Variants in DCAF4 observed in about 807,000 individuals in gnomAD.
The protein encoded by DCAF4 is DDB1 and CUL4 associated factor 4, also known as DDB1- and CUL4-associated factor 4.
In DCAF4, 37 loss-of-function variants were observed where a neutral mutation model predicts 60.9. The observed-to-expected ratio is 0.61, with a 90% confidence interval of 0.47 to 0.80. The LOEUF (loss-of-function observed/expected upper bound fraction) is 0.80. Ranked by LOEUF, DCAF4 falls within the 30% of genes least tolerant of loss-of-function variation. DCAF4 has a pLI of 0.00. For synonymous variants in DCAF4, 243 were observed against 254.8 expected, an observed-to-expected ratio of 0.95 and a Z score of 0.44; for missense variants, 577 against 650.0, an observed-to-expected ratio of 0.89 and a Z score of 1.22.
intron 1 of DCAF4, among the ~76,000 whole-genome samples, chr14:72,936,456 C>T (rs910088887): frequency 1.5e-4 from 23 of 151,116 alleles, no homozygotes; most frequent in African/African-American, 4.9e-4. Context: ...CCCAGCTACT[C>T]GGGAGGCTGA....
intron 4 of DCAF4, 101 bp downstream of exon 4, chr14:72,940,478 A>T: frequency 7.9e-7 from 1 of 1,261,796 alleles, no homozygotes; most frequent in Non-Finnish European, 1.1e-6. Context: ...TGCGACACTT[A>T]GCAGAGGCAC....
At chr14:72,946,184 C>G (rs1253224536) in intron 7 of DCAF4, among the ~76,000 whole-genome samples, 157 bp downstream of exon 7, 1 of 150,634 alleles carries the variant, frequency 6.6e-6, no homozygotes, top group Non-Finnish European at 1.5e-5. Context: ...GAGTTTCAGA[C>G]CAACCTGGGC....
intron 4 of DCAF4, 124 bp from the exon 5 acceptor site, chr14:72,941,621 A>C: frequency 5.8e-6 from 5 of 860,980 alleles, no homozygotes; most frequent in Non-Finnish European, 9.3e-6. Flanking sequence ...ATTTTTATGC[A>C]TATAATTTCT....
intron 13 of DCAF4, chr14:72,957,313 T>G (rs1254185406): frequency 6.6e-6 from 1 of 152,284 alleles, no homozygotes; most frequent in East Asian, 1.9e-4. Context: ...CTAAGCCCCC[T>G]GGAAGGGAGT....
chr14:72,941,644 C>A, intron 4 of DCAF4, 101 bp from the exon 5 acceptor site: 1 of 1,097,752 alleles, frequency 9.1e-7, no homozygotes, highest in Non-Finnish European at 1.3e-6. Flanking sequence ...CAATTTAGTG[C>A]CTGTTTCCTT....
chr14:72,930,208 T>A (rs1370667214), intron 1 of DCAF4, among the ~76,000 whole-genome samples: 1 of 152,178 alleles, frequency 6.6e-6, no homozygotes, highest in Non-Finnish European at 1.5e-5. Flanking sequence ...ATGTTGGGTA[T>A]CTTTTCATGT....
rs1253223301 is a variant in DCAF4, at chr14:72,953,729, AAAAATATATATATATAT to A, written c.809-433_809-417del. ...TGTCTTAAAAAAAAAAAAAAAAAAAAAAAATATATATATATATATATATATATATATATAGTTTATTT... is the reference window on the plus strand; with the variant it reads ...TGTCTTAAAAAAAAAAAAAAAAAAAAATATATATATATATATAGTTTATTT... On this transcript the variant is annotated intron_variant, in intron 9 of 13. Coordinates refer to ENST00000358377, the MANE Select transcript of DCAF4 (RefSeq NM_015604.4). 6.6e-4 allele frequency among the ~76,000 whole-genome samples: 27 copies of A among 40,782 alleles called. 6 individuals carry two copies. Among genetic ancestry groups the A allele is most frequent in the African/African-American group, 3.2e-3 (26 of 8,168 alleles). 26.8% of individuals were successfully genotyped at this position (40,782 alleles called of 152,430 possible). A position where few individuals can be genotyped will look rare whatever the true frequency, so the allele number is the denominator to read the frequency against.
chr14:72,958,570 C>G (rs1414063577), intron 13 of DCAF4, 42 bp from the exon 14 acceptor site: 1 of 1,611,070 alleles, frequency 6.2e-7, no homozygotes, highest in Non-Finnish European at 8.5e-7. Flanking sequence ...TTTTCCTTTG[C>G]ATTCTCTCAC....
rs1346666390 is a variant in DCAF4 at position 72,942,076 on chromosome 14, G to A, written c.431+252G>A. ...AGAGGATGGGGACGTAGGCAGAGAT[G>A]TCTATTCTCTGTTACTCGTAAGTCA... On this transcript the variant is annotated intron_variant, in intron 5 of 13. Transcript: ENST00000358377. 1.3e-5 allele frequency: 6 copies of A among 450,170 alleles called. No individual in the cohort carries two copies. In the East Asian group the frequency reaches 2.1e-4, roughly 16 times the overall value. 27.9% of individuals were successfully genotyped at this position (450,170 alleles called of 1,614,324 possible).
At chr14:72,934,079 C>A (rs893928545) in intron 1 of DCAF4, among the ~76,000 whole-genome samples, 5 of 152,014 alleles carry the variant, frequency 3.3e-5, no homozygotes, top group African/African-American at 9.7e-5. Context: ...TCATCCCCCC[C>A]ATTTCTTGAA....
intron 2 of DCAF4, among the ~76,000 whole-genome samples, chr14:72,938,360 G>C (rs1889579180): frequency 1.3e-5 from 2 of 152,186 alleles, no homozygotes; most frequent in Non-Finnish European, 1.5e-5. Flanking sequence ...CATAAAGCTA[G>C]AGGTAGACGT....
intron 2 of DCAF4, 35 bp downstream of exon 2, chr14:72,938,105 A>T: frequency 6.4e-7 from 1 of 1,571,178 alleles, no homozygotes. Context: ...ACTTTTGCCC[A>T]GTGTGCTTCT....
At chr14:72,944,086 G>A (rs894643813) in intron 6 of DCAF4, among the ~76,000 whole-genome samples, 3 of 152,170 alleles carry the variant, frequency 2.0e-5, no homozygotes, top group African/African-American at 4.8e-5. Flanking sequence ...GGGTGGGGAC[G>A]GTGGGGGTCA....
At chr14:72,953,874 C>T (rs1240729196) in intron 9 of DCAF4, among the ~76,000 whole-genome samples, 2 of 141,680 alleles carry the variant, frequency 1.4e-5, no homozygotes, top group African/African-American at 5.3e-5. Flanking sequence ...GGTAGGTGAT[C>T]GAGGATCGGA....
At position 72,940,378 on chromosome 14, in the gene DCAF4, G is replaced by A. The variant is rs1420020960; in HGVS notation, c.351+1G>A. The A allele has an allele frequency of 6.2e-7, 1 of 1,609,060 alleles. No homozygotes were observed. The highest frequency in any genetic ancestry group is 8.5e-7 in the Non-Finnish European group (1 of 1,178,796). ...CCAGGAAGAAGACAGACGGAAAAAGGTGGGCTCCTCACCCCTTCGCCCCCT... is the reference window on the plus strand; with the variant it reads ...CCAGGAAGAAGACAGACGGAAAAAGATGGGCTCCTCACCCCTTCGCCCCCT... On this transcript the variant is annotated splice_donor_variant, in intron 4 of 13. Coordinates refer to ENST00000358377, the MANE Select transcript of DCAF4 (RefSeq NM_015604.4). LOFTEE classifies it high-confidence loss of function.
At chr14:72,955,126 T>C (rs116623136) in intron 11 of DCAF4, among the ~76,000 whole-genome samples, 3,431 of 143,560 alleles carry the variant, frequency 0.024, 132 homozygotes, top group African/African-American at 0.084. Context: ...AAAAAAAAAA[T>C]TGTGGTCATT....
rs760416730 is a variant in DCAF4, at chr14:72,958,842, C to T, written c.*37C>T. The stretch of plus-strand genomic sequence containing the variant: ...ACAGCCCAGAGCCATGTGGATTTGA[C>T]TTACGGGAGTAAAGCGTAACTTTTT... On this transcript the variant is annotated 3_prime_UTR_variant, in exon 14 of 14. Coordinates refer to ENST00000358377, the MANE Select transcript of DCAF4 (RefSeq NM_015604.4). 6.6e-7 allele frequency: 1 copy of T among 1,516,408 alleles called. No individual in the cohort carries two copies. Among genetic ancestry groups the T allele is most frequent in the African/African-American group, 1.4e-5 (1 of 71,706 alleles). The allele number at this position is 1,516,408 out of a possible 1,614,324, so 93.9% of individuals were successfully genotyped here.
intron 2 of DCAF4, 93 bp downstream of exon 2, chr14:72,938,163 C>G: frequency 6.8e-7 from 1 of 1,461,008 alleles, no homozygotes; most frequent in East Asian, 2.4e-5. Context: ...TGGAGATCAC[C>G]TGGGGGCTCG....
chr14:72,945,181 C>T (rs1890564406), intron 6 of DCAF4, among the ~76,000 whole-genome samples: 1 of 151,874 alleles, frequency 6.6e-6, no homozygotes, highest in Non-Finnish European at 1.5e-5. Context: ...TCACTTGAGG[C>T]CAGAAGTTCA....
Sources: gnomAD v4.1 joint callset for allele counts (sites outside exome capture counted in the v4.1 genomes callset) on GRCh38, gnomAD v4.1.1 for gene constraint, MANE v1.5 for transcripts, NCBI Gene and HGNC (gene_info 2026-07-23, HGNC 2026-07-21) for gene names.